The following CD300A variants were observed in gnomAD, a reference collection of about 807,000 sequenced individuals.
CD300A encodes CD300a molecule.
In CD300A, 22 loss-of-function variants were observed where a neutral mutation model predicts 33.6. The observed-to-expected ratio is 0.66, with a 90% CI of 0.47 to 0.94. CD300A has a LOEUF of 0.94. Ranked by LOEUF, CD300A falls within the 40% of genes least tolerant of loss-of-function variation. CD300A has a pLI of 0.00. For missense variants in CD300A, 326 were observed against 360.5 expected (o/e 0.90, Z 0.77); for synonymous variants, 136 against 148.1 (o/e 0.92, Z 0.59).
chr17:74,479,095 C>G (rs1906667631), intron 4 of CD300A, among the ~76,000 whole-genome samples: 1 of 152,096 alleles, frequency 6.6e-6, no homozygotes, highest in South Asian at 2.1e-4. Flanking sequence ...GAAAAATGAG[C>G]AAAAGCACAA....
intron 4 of CD300A, among the ~76,000 whole-genome samples, chr17:74,477,976 A>G (rs1443155019): frequency 6.6e-6 from 1 of 152,180 alleles, no homozygotes; most frequent in African/African-American, 2.4e-5. Flanking sequence ...CTCCCCCACC[A>G]TAAAAAGTCC....
At position 74,466,757 on chromosome 17, in the gene CD300A, T is replaced by C; in HGVS notation, c.40+14T>C. ...TCTGGGTCCCAGGTGAGAGTTTCCC[T>C]TCCCGGGAAAGTCTGCGGCAGGGAG... is the stretch of plus-strand genomic sequence containing the variant. On this transcript the variant is annotated intron_variant, in intron 1 of 6. Coordinates refer to ENST00000360141, the MANE Select transcript of CD300A (RefSeq NM_007261.4). 6.3e-7 allele frequency: 1 copy of C among 1,583,588 alleles called. No individual in the cohort carries two copies. Among genetic ancestry groups the C allele is most frequent in the Non-Finnish European group, 8.6e-7 (1 of 1,164,230 alleles).
At chr17:74,481,561 A>G in intron 5 of CD300A, 165 bp from the exon 6 acceptor site, 1 of 662,322 alleles carries the variant, frequency 1.5e-6, no homozygotes. Flanking sequence ...AGCCAAGCTG[A>G]CCTGGGGAAC....
rs927472422 is a variant in CD300A, at chr17:74,480,588, G to A, written c.629-701G>A. ...CTCAGGCACGGGGATGGGAGCAGAG[G>A]CCCCAGCAACTTCCCACAGTCTGAT... On this transcript the variant is annotated intron_variant, in intron 4 of 6. Coordinates refer to ENST00000360141, the MANE Select transcript of CD300A (RefSeq NM_007261.4). The surrounding 1 kb of genome is among the most constrained non-coding windows in gnomAD (Gnocchi z 4.2). 6.6e-6 allele frequency among the ~76,000 whole-genome samples: 1 copy of A among 152,148 alleles called. No individual in the cohort carries two copies. Among genetic ancestry groups the A allele is most frequent in the African/African-American group, 2.4e-5 (1 of 41,418 alleles).
chr17:74,475,311 C>T (rs896007867), intron 3 of CD300A, among the ~76,000 whole-genome samples: 12 of 152,272 alleles, frequency 7.9e-5, no homozygotes, highest in African/African-American at 1.2e-4. Context: ...TCCCACAACA[C>T]GTGGGAATTA....
In CD300A at chr17:74,481,345, G is replaced by A. The variant is rs1351595254; in HGVS notation, c.666+19G>A. 6.2e-7 allele frequency: 1 copy of A among 1,612,942 alleles called. No individual in the cohort carries two copies. Among genetic ancestry groups the A allele is most frequent in the East Asian group, 2.2e-5 (1 of 44,830 alleles). On this transcript the variant is annotated intron_variant, in intron 5 of 6. Coordinates refer to ENST00000360141, the MANE Select transcript of CD300A (RefSeq NM_007261.4). Reference sequence around the variant, plus strand: ...CAAGCAGGTAAGGGGGCTTTAGCAGGAGGTGTATCAGGTGGCTGGGCGGAG... The same window carrying A: ...CAAGCAGGTAAGGGGGCTTTAGCAGAAGGTGTATCAGGTGGCTGGGCGGAG...
chr17:74,477,153 G>A (rs974929982), intron 3 of CD300A, among the ~76,000 whole-genome samples: 1 of 152,114 alleles, frequency 6.6e-6, no homozygotes, highest in African/African-American at 2.4e-5. Flanking sequence ...GGTGGCTTGA[G>A]CTCAGGAGTC....
At chr17:74,474,396 A>T in intron 2 of CD300A, 136 bp from the exon 3 acceptor site, 1 of 832,626 alleles carries the variant, frequency 1.2e-6, no homozygotes, top group Non-Finnish European at 2.0e-6. Flanking sequence ...TCCTGGAGAG[A>T]CTCTAGCCCC....
chr17:74,474,487 G>A (rs1906332372), intron 2 of CD300A, 45 bp from the exon 3 acceptor site: 1 of 1,600,410 alleles, frequency 6.2e-7, no homozygotes, highest in Non-Finnish European at 8.5e-7. Context: ...TGGTGGGAGA[G>A]CCAGAGGACA....
chr17:74,466,441 T>G, upstream of CD300A: 3 of 552,848 alleles, frequency 5.4e-6, no homozygotes, highest in Non-Finnish European at 9.7e-6. Context: ...CAGGGAGAGG[T>G]CTCATCACTA....
chr17:74,469,736 AG>A (rs1426159754), intron 1 of CD300A, among the ~76,000 whole-genome samples: 1 of 152,176 alleles, frequency 6.6e-6, no homozygotes, highest in African/African-American at 2.4e-5. Context: ...GAGACATGAG[AG>A]TCACTTGAAC....
At chr17:74,472,953 G>A (rs1260991571) in intron 1 of CD300A, among the ~76,000 whole-genome samples, 1 of 152,088 alleles carries the variant, frequency 6.6e-6, no homozygotes, top group Non-Finnish European at 1.5e-5. Flanking sequence ...TACTGCCCGG[G>A]TTTGCCCCTT....
chr17:74,480,269 G>T lies in CD300A; in HGVS notation c.629-1020G>T, dbSNP rs1217984245. On this transcript the variant is annotated intron_variant, in intron 4 of 6. Transcript: ENST00000360141. This position sits in a 1 kb window ranked among gnomAD's most constrained non-coding sequence, Gnocchi z 4.2. Reference sequence around the variant, plus strand: ...CCGTGGGCTCCTCCCCTTTAATTCTGGGGGAGGAGCCCACAGATCCCCACA... The same window carrying T: ...CCGTGGGCTCCTCCCCTTTAATTCTTGGGGAGGAGCCCACAGATCCCCACA... Among the ~76,000 whole-genome samples, 1 of 152,052 alleles carries T rather than the reference G, an allele frequency of 6.6e-6. No homozygotes were observed. The highest frequency in any genetic ancestry group is 2.4e-5 in the African/African-American group (1 of 41,404).
rs1240136871 is a variant in CD300A at position 74,466,712 on chromosome 17, G to A, written c.9G>A (p.Leu3=). Residue 3 remains leucine (L), a synonymous_variant, in exon 1 of 7, where the codon CTG becomes CTA. Transcript: ENST00000360141. MW[L]PWALLLLWVP... ...GTGCTGGGGAAGGGACCATGTGGCT[G>A]CCTTGGGCTCTGTTGCTTCTCTGGG... 2 of 1,596,922 alleles carry A rather than the reference G, an allele frequency of 1.3e-6. No individual in the cohort carries two copies. Among genetic ancestry groups the A allele is most frequent in the Non-Finnish European group, 1.7e-6 (2 of 1,171,422 alleles).
At chr17:74,466,452 G>C, upstream of CD300A, 1 of 576,416 alleles carries the variant, frequency 1.7e-6, no homozygotes, top group South Asian at 2.1e-5. Flanking sequence ...CTCATCACTA[G>C]AAATAGCCGA....
chr17:74,483,885 T>G, intron 6 of CD300A, 116 bp from the exon 7 acceptor site: 1 of 1,185,394 alleles, frequency 8.4e-7, no homozygotes, highest in Admixed American at 2.1e-5. Flanking sequence ...CAGTGGAGCC[T>G]CTACAGTGAG....
intron 2 of CD300A, 85 bp downstream of exon 2, chr17:74,473,959 A>G (rs1458269328): frequency 1.8e-5 from 26 of 1,412,022 alleles, no homozygotes; most frequent in East Asian, 9.6e-5. Flanking sequence ...TGAAGCAGAC[A>G]GTGTGTGTGT....
intron 4 of CD300A, 104 bp from the exon 5 acceptor site, chr17:74,481,185 G>C: frequency 9.5e-7 from 1 of 1,050,332 alleles, no homozygotes; most frequent in Non-Finnish European, 1.5e-6. Flanking sequence ...AGGTCCCCAG[G>C]GCTGAGGTCT....
At chr17:74,481,616 T>G (rs1598109116) in intron 5 of CD300A, 110 bp from the exon 6 acceptor site, 2 of 774,490 alleles carry the variant, frequency 2.6e-6, no homozygotes, top group Non-Finnish European at 2.1e-6. Flanking sequence ...AAGGGGAAGG[T>G]GGGGGCTGAG....
Sources: gnomAD v4.1 joint callset for allele counts (sites outside exome capture counted in the v4.1 genomes callset) on GRCh38, gnomAD v4.1.1 for gene constraint, Gnocchi (gnomAD v3.1) non-coding constraint, MANE v1.5 for transcripts, NCBI Gene and HGNC (gene_info 2026-07-23, HGNC 2026-07-21) for gene names.